The following GAP43 variants were observed in gnomAD, a reference collection of about 807,000 sequenced individuals.
The protein encoded by GAP43 is neuromodulin.
GAP43 carries 6 observed loss-of-function variants against 18.6 expected under a neutral mutation model. That is an observed-to-expected ratio of 0.32 (90% CI 0.18 to 0.64). The LOEUF (loss-of-function observed/expected upper bound fraction) is 0.64, where lower values mean the gene tolerates loss of function less well. GAP43 is among the 30% of genes least tolerant of loss of function. GAP43 has a pLI of 0.78. For missense variants in GAP43, 292 were observed against 295.5 expected (o/e 0.99, Z 0.09); for synonymous variants, 115 against 111.4 (o/e 1.03, Z -0.20).
intron 2 of GAP43, among the ~76,000 whole-genome samples, chr3:115,717,011 G>T (rs2107380889): frequency 6.6e-6 from 1 of 151,952 alleles, no homozygotes; most frequent in African/African-American, 2.4e-5. Flanking sequence ...CGGAAAAACT[G>T]AACAAATAGA....
Position 115,623,713 on chromosome 3 carries a change from C to A in GAP43, c.24C>A (p.Thr8=). The A allele has an allele frequency of 6.2e-7, 1 of 1,614,162 alleles. No homozygotes were observed. Among genetic ancestry groups the A allele is most frequent in the Non-Finnish European group, 8.5e-7 (1 of 1,179,970 alleles). ...CCATGCTGTGCTGTATGAGAAGAAC[C>A]AAACAGGTAGAGCTAAAGATTTTTT... MLCCMRR[T]KQVEKNDDDQ... is the part of the protein sequence containing the mutation. Residue 8 remains threonine, a synonymous_variant, in exon 1 of 3, where the codon ACC becomes ACA. Transcript: ENST00000305124.
At chr3:115,647,680 A>C (rs1439743204) in intron 1 of GAP43, among the ~76,000 whole-genome samples, 3 of 149,364 alleles carry the variant, frequency 2.0e-5, no homozygotes, top group African/African-American at 7.3e-5. Context: ...GGTAAGAATT[A>C]GGGGGGAGGG....
chr3:115,683,147 GCACACACA>G (rs869219452), intron 2 of GAP43, among the ~76,000 whole-genome samples: 6,383 of 127,360 alleles, frequency 0.05, 243 homozygotes, highest in Non-Finnish European at 0.062. Context: ...GCGCGCGCGC[GCACACACA>G]CACACACACA....
chr3:115,718,736 T>C (rs1246762978), intron 2 of GAP43, among the ~76,000 whole-genome samples: 1 of 152,188 alleles, frequency 6.6e-6, no homozygotes, highest in Non-Finnish European at 1.5e-5. Context: ...TCGTAGCTGC[T>C]TACTTTATTT....
intron 2 of GAP43, among the ~76,000 whole-genome samples, chr3:115,703,465 T>A (rs1167655694): frequency 2.0e-5 from 3 of 152,100 alleles, no homozygotes; most frequent in Non-Finnish European, 4.4e-5. Flanking sequence ...ACAGAAGAGC[T>A]GGAATGCCTG....
intron 2 of GAP43, among the ~76,000 whole-genome samples, chr3:115,698,147 ATT>A (rs1491461113): frequency 0.02 from 192 of 9,682 alleles, 7 homozygotes; most frequent in African/African-American, 0.025. Flanking sequence ...TATAATATAT[ATT>A]ATATATAATA....
At chr3:115,659,508 A>G (rs879586415) in intron 1 of GAP43, among the ~76,000 whole-genome samples, 1 of 152,176 alleles carries the variant, frequency 6.6e-6, no homozygotes, top group Non-Finnish European at 1.5e-5. Flanking sequence ...TTGTTCATTC[A>G]TTCAATAATG....
chr3:115,631,512 G>A (rs961694178), intron 1 of GAP43, among the ~76,000 whole-genome samples: 7 of 152,104 alleles, frequency 4.6e-5, no homozygotes, highest in African/African-American at 7.2e-5. Context: ...TTCATAGATC[G>A]AGCACTAAAG....
chr3:115,678,967 G>C (rs1708925778), intron 2 of GAP43, among the ~76,000 whole-genome samples: 1 of 151,290 alleles, frequency 6.6e-6, no homozygotes. Context: ...GATCACAGAA[G>C]GTAGAGGTGA....
intron 2 of GAP43, among the ~76,000 whole-genome samples, chr3:115,701,520 C>T (rs970950791): frequency 2.0e-5 from 3 of 151,954 alleles, no homozygotes; most frequent in African/African-American, 7.3e-5. Flanking sequence ...ACCTACATTC[C>T]TATCTTATCT....
In GAP43 at chr3:115,637,576, C is replaced by T. The variant is rs370921988; in HGVS notation, c.30+13857C>T. Among the ~76,000 whole-genome samples the T allele has an allele frequency of 1.4e-4, 22 of 152,118 alleles. No homozygotes were observed. The South Asian group carries it at 2.5e-3, about 17-fold the overall frequency. ...CCTCTGAAAAGTTGGTGTTATTCAG[C>T]GTTTTGTCCTTATACTTGCATGTTC... On this transcript the variant is annotated intron_variant, in intron 1 of 2. Coordinates refer to ENST00000305124, the MANE Select transcript of GAP43 (RefSeq NM_002045.4).
At chr3:115,632,233 A>G (rs1481050181) in intron 1 of GAP43, among the ~76,000 whole-genome samples, 1 of 151,990 alleles carries the variant, frequency 6.6e-6, no homozygotes, top group Non-Finnish European at 1.5e-5. Context: ...CACATCCATC[A>G]CATGAGGGCC....
At chr3:115,696,578 GCC>G (rs71141833) in intron 2 of GAP43, among the ~76,000 whole-genome samples, 5 of 55,194 alleles carry the variant, frequency 9.1e-5, no homozygotes, top group Admixed American at 2.5e-4. Context: ...GCCCCCCACC[GCC>G]CCCCCCCCCC....
intron 2 of GAP43, among the ~76,000 whole-genome samples, chr3:115,709,444 T>G (rs532259253): frequency 3.3e-4 from 50 of 152,314 alleles, no homozygotes; most frequent in East Asian, 1.9e-4. Context: ...GGGATTCTTC[T>G]CAACTGGGAT....
At chr3:115,632,966 T>G (rs1708278143) in intron 1 of GAP43, among the ~76,000 whole-genome samples, 1 of 152,078 alleles carries the variant, frequency 6.6e-6, no homozygotes, top group Non-Finnish European at 1.5e-5. Flanking sequence ...GTTTTTTGAT[T>G]GGGAACAAGT....
At chr3:115,678,211 G>T (rs1708918526) in intron 2 of GAP43, among the ~76,000 whole-genome samples, 1 of 152,138 alleles carries the variant, frequency 6.6e-6, no homozygotes, top group Non-Finnish European at 1.5e-5. Context: ...ATGATGTCTG[G>T]AAATCACTTT....
chr3:115,678,437 T>A (rs1708920682), intron 2 of GAP43, among the ~76,000 whole-genome samples: 1 of 152,150 alleles, frequency 6.6e-6, no homozygotes, highest in Admixed American at 6.5e-5. Flanking sequence ...TAATATATAA[T>A]ATATTTTAAA....
At chr3:115,646,837 C>T (rs1708463811) in intron 1 of GAP43, among the ~76,000 whole-genome samples, 1 of 151,966 alleles carries the variant, frequency 6.6e-6, no homozygotes, top group Non-Finnish European at 1.5e-5. Context: ...CAGAAACCCT[C>T]TTCTCACTTC....
intron 1 of GAP43, among the ~76,000 whole-genome samples, chr3:115,631,612 A>G (rs1210134384): frequency 2.0e-5 from 3 of 152,118 alleles, no homozygotes; most frequent in Non-Finnish European, 2.9e-5. Flanking sequence ...CATACTCTAC[A>G]GAGTAAATTT....
Sources: gnomAD v4.1 joint callset for allele counts (sites outside exome capture counted in the v4.1 genomes callset) on GRCh38, gnomAD v4.1.1 for gene constraint, MANE v1.5 for transcripts, NCBI Gene and HGNC (gene_info 2026-07-23, HGNC 2026-07-21) for gene names.